Variants in KCNH5 observed in about 807,000 individuals in gnomAD.
The protein encoded by KCNH5 is voltage-gated delayed rectifier potassium channel KCNH5.
KCNH5 carries 46 observed loss-of-function variants against 96.1 expected under a neutral mutation model. The observed-to-expected ratio is 0.48, with a 90% CI of 0.38 to 0.61. KCNH5 has a LOEUF of 0.61. KCNH5 is among the 20% of genes least tolerant of loss of function. KCNH5 has a pLI of 0.00. For synonymous variants in KCNH5, 439 were observed against 449.8 expected (o/e 0.98, Z 0.30); for missense variants, 907 against 1,225.8 (o/e 0.74, Z 3.88).
At chr14:63,013,489 T>C (rs1004371715) in intron 2 of KCNH5, among the ~76,000 whole-genome samples, 2 of 152,188 alleles carry the variant, frequency 1.3e-5, no homozygotes, top group Non-Finnish European at 2.9e-5. Context: ...CAAATACTTA[T>C]CTCCATATTC....
intron 8 of KCNH5, among the ~76,000 whole-genome samples, chr14:62,840,566 CTTTTTTTTTTTTTTTT>C (rs71120238): frequency 6.5e-5 from 5 of 76,366 alleles, no homozygotes; most frequent in African/African-American, 2.9e-4. Flanking sequence ...TCTTTTTTTT[CTTTTTTTTTTTTTTTT>C]TTTTTTTGAG....
chr14:63,007,704 T>C (rs1250368357), intron 2 of KCNH5, among the ~76,000 whole-genome samples: 1 of 152,152 alleles, frequency 6.6e-6, no homozygotes, highest in Non-Finnish European at 1.5e-5. Flanking sequence ...ATATGATACA[T>C]ATAATGCATT....
intron 7 of KCNH5, among the ~76,000 whole-genome samples, chr14:62,936,095 C>T (rs533512155): frequency 2.0e-5 from 3 of 152,158 alleles, no homozygotes; most frequent in African/African-American, 4.8e-5. Context: ...CTTCCGTATG[C>T]ATGAAAAAGT....
chr14:63,031,050 T>C, intron 1 of KCNH5, among the ~76,000 whole-genome samples: 1 of 151,904 alleles, frequency 6.6e-6, no homozygotes, highest in East Asian at 1.9e-4. Flanking sequence ...ATCTTCTGCT[T>C]TTCCTTTCTT....
Position 62,813,628 on chromosome 14 carries a change from C to T in KCNH5, c.1570-11047G>A, listed in dbSNP as rs1314280616. 3.9e-5 allele frequency among the ~76,000 whole-genome samples: 6 copies of T among 152,264 alleles called. No homozygotes were observed. The South Asian group carries it at 8.3e-4, about 21-fold the overall frequency. On this transcript the variant is annotated intron_variant, in intron 8 of 10. Coordinates refer to ENST00000322893, the MANE Select transcript of KCNH5 (RefSeq NM_139318.5). The stretch of plus-strand genomic sequence containing the variant: ...AATGCATTAATGACATTTTGATAGA[C>T]ATTGGAGCTACCACCAAATCTCTCC...
chr14:62,987,854 T>C (rs117836339), intron 4 of KCNH5, among the ~76,000 whole-genome samples: 206 of 152,264 alleles, frequency 1.4e-3, no homozygotes, highest in Middle Eastern at 3.4e-3. Flanking sequence ...ATAATAGTCC[T>C]TCAATGTGTT....
In KCNH5 at chr14:63,004,404, T is replaced by A. The variant is rs1321429312; in HGVS notation, c.304+1962A>T. Among the ~76,000 whole-genome samples, 3 of 152,182 alleles carry A rather than the reference T, an allele frequency of 2.0e-5. No homozygotes were observed. In the South Asian group the frequency reaches 6.2e-4, roughly 32 times the overall value. On this transcript the variant is annotated intron_variant, in intron 3 of 10. Coordinates refer to ENST00000322893, the MANE Select transcript of KCNH5 (RefSeq NM_139318.5). ...ACAATGCTATGGGGTATATATCCCA[T>A]TGGCTATAAGCAGGCACTTATCTGC... is the stretch of plus-strand genomic sequence containing the variant.
chr14:62,779,983 C>G (rs1380097346), intron 9 of KCNH5, 59 bp from the exon 10 acceptor site: 16 of 1,408,678 alleles, frequency 1.1e-5, no homozygotes, highest in African/African-American at 2.9e-5. Context: ...TTTAATCACT[C>G]TTGTTATTCA....
intron 1 of KCNH5, among the ~76,000 whole-genome samples, chr14:63,022,331 C>T (rs544940567): frequency 2.2e-4 from 33 of 152,254 alleles, no homozygotes; most frequent in African/African-American, 7.5e-4. Context: ...GATCATCACC[C>T]AACTCCAGCC....
intron 10 of KCNH5, among the ~76,000 whole-genome samples, chr14:62,717,069 A>G (rs1884702355): frequency 6.6e-6 from 1 of 152,196 alleles, no homozygotes; most frequent in African/African-American, 2.4e-5. Context: ...AATAAAAGGA[A>G]TAAATTTATC....
chr14:62,854,730 T>C (rs996826343), intron 7 of KCNH5, among the ~76,000 whole-genome samples: 5 of 151,908 alleles, frequency 3.3e-5, no homozygotes, highest in African/African-American at 9.7e-5. Context: ...CTGCTAATTG[T>C]GCAAGCTAAT....
chr14:63,027,617 G>A (rs7159483), intron 1 of KCNH5, among the ~76,000 whole-genome samples: 43,817 of 75,782 alleles, frequency 0.58, 7,541 homozygotes, highest in East Asian at 0.69. Context: ...TTGAAAAATG[G>A]TATTGAAGAG....
chr14:62,880,564 G>A (rs1015850289), intron 7 of KCNH5, among the ~76,000 whole-genome samples: 2 of 152,130 alleles, frequency 1.3e-5, no homozygotes, highest in East Asian at 3.8e-4. Flanking sequence ...AACAATTATT[G>A]AGCATCAGCT....
At chr14:62,774,810 GA>G (rs899671086) in intron 10 of KCNH5, among the ~76,000 whole-genome samples, 4 of 150,130 alleles carry the variant, frequency 2.7e-5, no homozygotes, top group Admixed American at 1.3e-4. Context: ...TCTTATTATT[GA>G]AAAAAAAACC....
At chr14:62,756,493 G>C (rs996060560) in intron 10 of KCNH5, among the ~76,000 whole-genome samples, 2 of 152,088 alleles carry the variant, frequency 1.3e-5, no homozygotes, top group Non-Finnish European at 2.9e-5. Flanking sequence ...AAAAGCCACA[G>C]CTGTCCTAAG....
intron 8 of KCNH5, among the ~76,000 whole-genome samples, chr14:62,817,554 T>C (rs1887013196): frequency 6.7e-6 from 1 of 149,988 alleles, no homozygotes; most frequent in Non-Finnish European, 1.5e-5. Context: ...TTGATGGGAA[T>C]AGCCAGCAGG....
intron 10 of KCNH5, among the ~76,000 whole-genome samples, chr14:62,713,710 G>C (rs1357231380): frequency 6.6e-6 from 1 of 152,088 alleles, no homozygotes; most frequent in African/African-American, 2.4e-5. Context: ...ATAGTTCTTT[G>C]TTTTATTTTA....
At chr14:62,859,806 C>A (rs1166527391) in intron 7 of KCNH5, among the ~76,000 whole-genome samples, 1 of 152,286 alleles carries the variant, frequency 6.6e-6, no homozygotes, top group East Asian at 1.9e-4. Flanking sequence ...TCGGGTGATA[C>A]CTGCATACCA....
At chr14:62,888,095 G>C (rs771958270) in intron 7 of KCNH5, among the ~76,000 whole-genome samples, 7 of 152,190 alleles carry the variant, frequency 4.6e-5, no homozygotes, top group Non-Finnish European at 8.8e-5. Context: ...TCAAGACTGA[G>C]GCTCTGCAGG....
Sources: gnomAD v4.1 joint callset for allele counts (sites outside exome capture counted in the v4.1 genomes callset) on GRCh38, gnomAD v4.1.1 for gene constraint, MANE v1.5 for transcripts, NCBI Gene and HGNC (gene_info 2026-07-23, HGNC 2026-07-21) for gene names.